Variants in FAM110B observed in about 807,000 individuals in gnomAD.
FAM110B encodes the protein protein FAM110B.
In FAM110B, 6 loss-of-function variants were observed where a neutral mutation model predicts 20.4. That is an observed-to-expected ratio of 0.29 (90% CI 0.16 to 0.58). The LOEUF (loss-of-function observed/expected upper bound fraction) is 0.58. Among genes scored for constraint, FAM110B ranks in the 20% least tolerant of loss-of-function variants. The probability of loss-of-function intolerance (pLI) is 0.90; values close to 1 mark genes in which losing one functional copy is unlikely to be tolerated. For missense variants in FAM110B, 434 were observed against 498.2 expected (o/e 0.87, Z 1.23); for synonymous variants, 226 against 214.1 (o/e 1.06, Z -0.49).
chr8:58,019,013 A>G (rs779926827), intron 1 of FAM110B, among the ~76,000 whole-genome samples: 3 of 151,986 alleles, frequency 2.0e-5, no homozygotes, highest in Non-Finnish European at 2.9e-5. Context: ...ATTATTTTTT[A>G]CTTTTCAGCC....
intron 2 of FAM110B, among the ~76,000 whole-genome samples, chr8:58,057,152 C>T (rs1185700348): frequency 1.3e-5 from 2 of 152,196 alleles, no homozygotes; most frequent in African/African-American, 4.8e-5. Context: ...GCTCCCTGGT[C>T]ATGGGCTGCC....
chr8:58,132,799 C>G (rs1803509061), intron 3 of FAM110B, among the ~76,000 whole-genome samples: 1 of 152,220 alleles, frequency 6.6e-6, no homozygotes, highest in South Asian at 2.1e-4. Context: ...CCTTATACTG[C>G]AAGCAAAATT....
chr8:58,115,007 GTTTT>G (rs67361448), intron 3 of FAM110B, among the ~76,000 whole-genome samples: 26 of 144,304 alleles, frequency 1.8e-4, no homozygotes, highest in South Asian at 4.5e-4. Flanking sequence ...TTGGAAAGTT[GTTTT>G]TTTTTTTTTT....
intron 1 of FAM110B, among the ~76,000 whole-genome samples, chr8:58,011,664 A>G (rs1804536207): frequency 6.6e-6 from 1 of 152,218 alleles, no homozygotes; most frequent in Admixed American, 6.5e-5. Context: ...AGAAAGAAAG[A>G]GAACCTTTGA....
In FAM110B at chr8:58,065,110, T is replaced by A. The variant is rs73236465; in HGVS notation, c.-413-10425T>A. Among the ~76,000 whole-genome samples, 1,037 of 152,354 alleles carry A rather than the reference T, an allele frequency of 6.8e-3. 9 individuals are homozygous for A. Among genetic ancestry groups the A allele is most frequent in the African/African-American group, 0.023 (964 of 41,596 alleles). On this transcript the variant is annotated intron_variant, in intron 2 of 3. Coordinates refer to ENST00000519262, the MANE Select transcript of FAM110B (RefSeq NM_001377989.1). ...AACATAATTATGAACATTCACGGCA[T>A]GCATACTTGAAATTCTTGCATGAAT...
intron 1 of FAM110B, among the ~76,000 whole-genome samples, chr8:58,007,479 C>G (rs766529992): frequency 6.6e-6 from 1 of 152,200 alleles, no homozygotes; most frequent in Non-Finnish European, 1.5e-5. Flanking sequence ...ACCCCTCCAT[C>G]CCTCTGCTAT....
At chr8:58,126,448 GT>G (rs1807506385) in intron 3 of FAM110B, among the ~76,000 whole-genome samples, 1 of 152,144 alleles carries the variant, frequency 6.6e-6, no homozygotes, top group Non-Finnish European at 1.5e-5. Flanking sequence ...GTAAGTGTAT[GT>G]TTAGTTTTTC....
At chr8:58,068,601 A>T (rs1051014125) in intron 2 of FAM110B, among the ~76,000 whole-genome samples, 1 of 145,434 alleles carries the variant, frequency 6.9e-6, no homozygotes, top group East Asian at 2.0e-4. Flanking sequence ...CTAAAAATAA[A>T]AAAAAAAAAA....
intron 1 of FAM110B, among the ~76,000 whole-genome samples, chr8:58,001,881 C>T (rs1287834966): frequency 6.6e-6 from 1 of 152,054 alleles, no homozygotes; most frequent in Admixed American, 6.6e-5. Context: ...AGATTTATTA[C>T]AAGGAATTGT....
At chr8:58,064,944 C>G (rs1805732283) in intron 2 of FAM110B, among the ~76,000 whole-genome samples, 1 of 152,258 alleles carries the variant, frequency 6.6e-6, no homozygotes, top group South Asian at 2.1e-4. Context: ...TTGTATGACT[C>G]TTATCGAGAC....
At chr8:58,085,468 G>T (rs370602195) in intron 3 of FAM110B, among the ~76,000 whole-genome samples, 6 of 152,232 alleles carry the variant, frequency 3.9e-5, no homozygotes, top group African/African-American at 1.4e-4. Context: ...AGCCGAGATC[G>T]CACCACTGCA....
At chr8:58,144,719 C>G (rs1476413757) in intron 3 of FAM110B, among the ~76,000 whole-genome samples, 1 of 152,296 alleles carries the variant, frequency 6.6e-6, no homozygotes, top group East Asian at 1.9e-4. Flanking sequence ...CTAATTATAA[C>G]CAAAGATGCT....
At chr8:58,062,430 C>A (rs976466926) in intron 2 of FAM110B, among the ~76,000 whole-genome samples, 1 of 152,126 alleles carries the variant, frequency 6.6e-6, no homozygotes, top group Admixed American at 6.5e-5. Flanking sequence ...ACTCCATTTG[C>A]ACATTAATTT....
intron 3 of FAM110B, among the ~76,000 whole-genome samples, chr8:58,088,392 C>A (rs932448996): frequency 4.6e-5 from 7 of 152,104 alleles, no homozygotes; most frequent in African/African-American, 1.7e-4. Context: ...GTTTAAAACT[C>A]CTGCAGTAAA....
intron 2 of FAM110B, among the ~76,000 whole-genome samples, chr8:58,066,998 A>T (rs1181543359): frequency 6.6e-6 from 1 of 152,158 alleles, no homozygotes. Flanking sequence ...TCTCCTTAAG[A>T]TAGTGTTTGA....
intron 3 of FAM110B, among the ~76,000 whole-genome samples, chr8:58,095,677 A>G (rs1213050204): frequency 2.0e-5 from 3 of 152,154 alleles, no homozygotes; most frequent in African/African-American, 7.2e-5. Context: ...TCAGTTTTAC[A>G]GTAAGTGTGA....
intron 1 of FAM110B, among the ~76,000 whole-genome samples, chr8:58,009,946 G>A (rs1202767360): frequency 6.6e-6 from 1 of 152,084 alleles, no homozygotes; most frequent in East Asian, 1.9e-4. Context: ...CATTTGAAAT[G>A]TGTCCTCTGA....
In FAM110B at chr8:58,124,952, A is replaced by T. The variant is rs186493981; in HGVS notation, c.-324-20955A>T. On this transcript the variant is annotated intron_variant, in intron 3 of 3. Transcript: ENST00000519262. ...CTTGTTCTTTGGTGCTGATTTTTTT[A>T]AAATCTCTTATCAAAATATAACTTT... Among the ~76,000 whole-genome samples the T allele has an allele frequency of 4.2e-3, 639 of 152,318 alleles. 4 individuals carry two copies. Among genetic ancestry groups the T allele is most frequent in the South Asian group, 0.013 (62 of 4,830 alleles).
chr8:58,097,582 CCTTGCTGGCTAG>C (rs1806665037), intron 3 of FAM110B, among the ~76,000 whole-genome samples: 1 of 152,134 alleles, frequency 6.6e-6, no homozygotes. Context: ...AGTTTTGTTT[CCTTGCTGGCTAG>C]GAGTTGTGAT....
Sources: allele counts gnomAD v4.1 joint callset (sites outside exome capture counted in the v4.1 genomes callset), GRCh38; gene constraint gnomAD v4.1.1; transcripts MANE v1.5; gene names NCBI Gene and HGNC (gene_info 2026-07-23, HGNC 2026-07-21).